NKAIN3: variants seen among roughly 807,000 people sequenced by gnomAD.
NKAIN3 encodes the protein sodium/potassium transporting ATPase interacting 3.
In NKAIN3, 25 loss-of-function variants were observed where a neutral mutation model predicts 30.2. The ratio of observed to expected loss-of-function variants is 0.83; its 90% CI spans 0.60 to 1.16. The LOEUF (loss-of-function observed/expected upper bound fraction) is 1.16, where lower values mean the gene tolerates loss of function less well. NKAIN3 is among the 50% of genes most tolerant of loss of function. The pLI, the probability that NKAIN3 is intolerant of heterozygous loss-of-function variation, is 0.00. For missense variants in NKAIN3, 225 were observed against 254.1 expected (o/e 0.89, Z 0.78); for synonymous variants, 91 against 89.6 (o/e 1.02, Z -0.09).
At chr8:62,368,074 A>T (rs1277153398) in intron 1 of NKAIN3, among the ~76,000 whole-genome samples, 1 of 152,190 alleles carries the variant, frequency 6.6e-6, no homozygotes, top group Non-Finnish European at 1.5e-5. Flanking sequence ...ACTTGATGAC[A>T]CAAATAAATG....
intron 1 of NKAIN3, among the ~76,000 whole-genome samples, chr8:62,559,318 T>A (rs1190342197): frequency 2.0e-5 from 3 of 152,036 alleles, no homozygotes; most frequent in Non-Finnish European, 4.4e-5. Flanking sequence ...TATAATTTAT[T>A]TGAAGTGAGT....
At chr8:62,994,930 G>A (rs999533133) in intron 5 of NKAIN3, among the ~76,000 whole-genome samples, 1 of 152,196 alleles carries the variant, frequency 6.6e-6, no homozygotes, top group Non-Finnish European at 1.5e-5. Flanking sequence ...CATCATTGGG[G>A]TGTTAACTAA....
chr8:62,389,831 A>G (rs931071263), intron 1 of NKAIN3, among the ~76,000 whole-genome samples: 3 of 152,126 alleles, frequency 2.0e-5, no homozygotes, highest in African/African-American at 4.8e-5. Context: ...GTAGTGCCTT[A>G]TCTTAGATAA....
chr8:62,739,092 C>T (rs769394569), intron 3 of NKAIN3, among the ~76,000 whole-genome samples: 1 of 152,018 alleles, frequency 6.6e-6, no homozygotes, highest in Non-Finnish European at 1.5e-5. Flanking sequence ...GGGAGGGAAA[C>T]ATCACACACC....
intron 4 of NKAIN3, among the ~76,000 whole-genome samples, chr8:62,839,035 T>C (rs1227225397): frequency 5.9e-5 from 9 of 152,088 alleles, no homozygotes; most frequent in Admixed American, 3.9e-4. Context: ...GACATAATTT[T>C]ACCTCCCTTC....
chr8:62,763,379 A>C (rs1816735588), intron 4 of NKAIN3, among the ~76,000 whole-genome samples: 1 of 152,116 alleles, frequency 6.6e-6, no homozygotes, highest in African/African-American at 2.4e-5. Context: ...AATGGCTTAA[A>C]GCAATTAGTG....
chr8:62,807,616 G>A (rs1372360134), intron 4 of NKAIN3, among the ~76,000 whole-genome samples: 10 of 143,648 alleles, frequency 7.0e-5, no homozygotes, highest in East Asian at 4.1e-4. Flanking sequence ...GCAGTGGCTC[G>A]ATCTCGGCTC....
intron 4 of NKAIN3, among the ~76,000 whole-genome samples, chr8:62,901,842 G>A (rs1254424675): frequency 6.6e-6 from 1 of 152,168 alleles, no homozygotes; most frequent in East Asian, 1.9e-4. Flanking sequence ...TCTGCATCGA[G>A]GGGCTGAACA....
At position 62,318,997 on chromosome 8, in the gene NKAIN3, G is replaced by C. The variant is rs1295947188; in HGVS notation, c.54+69870G>C. 3.9e-5 allele frequency among the ~76,000 whole-genome samples: 6 copies of C among 152,210 alleles called. No homozygotes were observed. The East Asian group carries it at 1.2e-3, about 29-fold the overall frequency. On this transcript the variant is annotated intron_variant, in intron 1 of 6. Transcript: ENST00000623646. ...TTTGGTTGGTAAGCTATTAATTATT[G>C]CTTCAATTTCAGAGCCTGTTATTGG... is the stretch of plus-strand genomic sequence containing the variant.
intron 4 of NKAIN3, among the ~76,000 whole-genome samples, chr8:62,841,751 C>A (rs974739986): frequency 2.0e-5 from 3 of 152,066 alleles, no homozygotes; most frequent in Non-Finnish European, 4.4e-5. Flanking sequence ...TTGACTACTG[C>A]GGATAATGCT....
chr8:62,947,302 C>T (rs916234300), intron 5 of NKAIN3, among the ~76,000 whole-genome samples: 5 of 152,134 alleles, frequency 3.3e-5, no homozygotes, highest in African/African-American at 9.7e-5. Context: ...CTAGGACTTC[C>T]GCACTCCCGT....
chr8:62,911,704 C>T (rs895504415), intron 4 of NKAIN3, among the ~76,000 whole-genome samples: 2 of 151,828 alleles, frequency 1.3e-5, no homozygotes, highest in Admixed American at 1.3e-4. Context: ...ACTCATGTTG[C>T]CCAAACTTAC....
At chr8:62,952,947 A>G (rs1393440134) in intron 5 of NKAIN3, among the ~76,000 whole-genome samples, 4 of 152,154 alleles carry the variant, frequency 2.6e-5, no homozygotes, top group Non-Finnish European at 5.9e-5. Flanking sequence ...GAAGTCTTAC[A>G]ATTTTGTAGT....
At chr8:62,629,121 A>G (rs1434180536) in intron 3 of NKAIN3, among the ~76,000 whole-genome samples, 1 of 152,162 alleles carries the variant, frequency 6.6e-6, no homozygotes, top group African/African-American at 2.4e-5. Context: ...GAAATGAATC[A>G]GGTCTTGCCT....
chr8:62,875,548 G>A lies in NKAIN3; in HGVS notation c.472-42905G>A, dbSNP rs143782984. On this transcript the variant is annotated intron_variant, in intron 4 of 6. Coordinates refer to ENST00000623646, the MANE Select transcript of NKAIN3 (RefSeq NM_001304533.3). Reference sequence around the variant, plus strand: ...CTTCAGCAAAAAGAACAAAGCTTGAGGCATCACGCTACCTGACTTCAAACT... The same window carrying A: ...CTTCAGCAAAAAGAACAAAGCTTGAAGCATCACGCTACCTGACTTCAAACT... 5.2e-3 allele frequency among the ~76,000 whole-genome samples: 798 copies of A among 152,266 alleles called. 5 individuals are homozygous for A. The highest frequency in any genetic ancestry group is 0.018 in the African/African-American group (764 of 41,536).
At chr8:62,407,310 C>T (rs1804102657) in intron 1 of NKAIN3, among the ~76,000 whole-genome samples, 1 of 148,082 alleles carries the variant, frequency 6.8e-6, no homozygotes, top group African/African-American at 2.5e-5. Context: ...TACTTGCATG[C>T]TTTTTTTCTA....
At chr8:62,746,857 C>A (rs1816087075) in intron 3 of NKAIN3, 75 bp from the exon 4 acceptor site, 3 of 1,054,652 alleles carry the variant, frequency 2.8e-6, no homozygotes, top group Admixed American at 2.0e-5. Flanking sequence ...ACCCTGAATT[C>A]TTCCTAAGGT....
chr8:62,302,046 C>T (rs1467092305), intron 1 of NKAIN3, among the ~76,000 whole-genome samples: 1 of 152,068 alleles, frequency 6.6e-6, no homozygotes, highest in Non-Finnish European at 1.5e-5. Flanking sequence ...AGTGTTCTCA[C>T]TTCCCTAATT....
intron 1 of NKAIN3, among the ~76,000 whole-genome samples, chr8:62,358,449 T>A (rs767110200): frequency 6.6e-6 from 1 of 152,182 alleles, no homozygotes; most frequent in Non-Finnish European, 1.5e-5. Context: ...GAAAAAGTTT[T>A]ATTCCATTAT....
Sources: gnomAD v4.1 joint callset for allele counts (sites outside exome capture counted in the v4.1 genomes callset) on GRCh38, gnomAD v4.1.1 for gene constraint, MANE v1.5 for transcripts, NCBI Gene and HGNC (gene_info 2026-07-23, HGNC 2026-07-21) for gene names.